SDC2: variants seen among roughly 807,000 people sequenced by gnomAD.
SDC2 encodes the protein syndecan 2.
In SDC2, 13 loss-of-function variants were observed where a neutral mutation model predicts 22.2. The ratio of observed to expected loss-of-function variants is 0.59; its 90% confidence interval spans 0.38 to 0.93. SDC2 has a LOEUF of 0.93. Ranked by LOEUF, SDC2 falls within the 40% of genes least tolerant of loss-of-function variation. The pLI is 0.00. For synonymous variants in SDC2, 94 were observed against 92.8 expected (o/e 1.01, Z -0.07); for missense variants, 235 against 246.8 (o/e 0.95, Z 0.32).
chr8:96,606,819 G>T (rs1404019154), intron 3 of SDC2, among the ~76,000 whole-genome samples: 1 of 152,266 alleles, frequency 6.6e-6, no homozygotes, highest in East Asian at 1.9e-4. Flanking sequence ...GTCAGAGAAG[G>T]CTTCATTAAG....
At chr8:96,581,507 C>T (rs1274977856) in intron 1 of SDC2, among the ~76,000 whole-genome samples, 5 of 152,248 alleles carry the variant, frequency 3.3e-5, no homozygotes, top group Admixed American at 6.5e-5. Context: ...TTGCACATGC[C>T]TGTAATCCCA....
At chr8:96,534,888 C>T (rs1023320706) in intron 1 of SDC2, among the ~76,000 whole-genome samples, 1 of 152,194 alleles carries the variant, frequency 6.6e-6, no homozygotes, top group Admixed American at 6.5e-5. Context: ...AATTCAAAGC[C>T]TCACTGTTCT....
At chr8:96,575,449 A>C (rs1301148247) in intron 1 of SDC2, among the ~76,000 whole-genome samples, 3 of 152,146 alleles carry the variant, frequency 2.0e-5, no homozygotes, top group African/African-American at 4.8e-5. Context: ...GTTTTAGTCA[A>C]CTTTTCACTG....
chr8:96,512,687 T>G (rs1813346419), intron 1 of SDC2, among the ~76,000 whole-genome samples: 1 of 152,170 alleles, frequency 6.6e-6, no homozygotes, highest in African/African-American at 2.4e-5. Context: ...ATTTGAAGAT[T>G]ATTAGCACGT....
At chr8:96,498,251 G>T (rs1039558747) in intron 1 of SDC2, among the ~76,000 whole-genome samples, 1 of 152,112 alleles carries the variant, frequency 6.6e-6, no homozygotes, top group African/African-American at 2.4e-5. Flanking sequence ...TGCCTTCTTG[G>T]AGCTTGCATT....
intron 1 of SDC2, among the ~76,000 whole-genome samples, chr8:96,535,073 G>A (rs1813731635): frequency 6.6e-6 from 1 of 151,004 alleles, no homozygotes; most frequent in East Asian, 1.9e-4. Context: ...GTGCGATCTT[G>A]GCTCACTGCA....
intron 1 of SDC2, among the ~76,000 whole-genome samples, chr8:96,517,643 A>G (rs991391915): frequency 6.6e-6 from 1 of 152,100 alleles, no homozygotes; most frequent in Admixed American, 6.5e-5. Context: ...TTGACCATAA[A>G]TGTAGGGGTT....
At chr8:96,574,606 A>C (rs552119363) in intron 1 of SDC2, among the ~76,000 whole-genome samples, 2 of 152,280 alleles carry the variant, frequency 1.3e-5, no homozygotes, top group East Asian at 1.9e-4. Flanking sequence ...CAGGCCTGCT[A>C]TCTGTGTGGT....
intron 1 of SDC2, among the ~76,000 whole-genome samples, chr8:96,503,311 G>A (rs1299878571): frequency 6.6e-6 from 1 of 152,114 alleles, no homozygotes; most frequent in Non-Finnish European, 1.5e-5. Context: ...TACAATAATA[G>A]AGTAATTGTT....
chr8:96,584,345 CT>C (rs374515266), intron 1 of SDC2, among the ~76,000 whole-genome samples: 11 of 152,174 alleles, frequency 7.2e-5, no homozygotes, highest in African/African-American at 2.7e-4. Context: ...TCTGTCAGCC[CT>C]TGTATAGGGA....
intron 1 of SDC2, among the ~76,000 whole-genome samples, chr8:96,567,793 A>G (rs549053194): frequency 6.6e-6 from 1 of 152,326 alleles, no homozygotes; most frequent in African/African-American, 2.4e-5. Context: ...TTATTCACCC[A>G]TAGTCTGAGA....
At chr8:96,500,799 A>T (rs1481907019) in intron 1 of SDC2, among the ~76,000 whole-genome samples, 1 of 152,012 alleles carries the variant, frequency 6.6e-6, no homozygotes, top group Admixed American at 6.6e-5. Flanking sequence ...AGCAACAAGG[A>T]TGGAGGGGTG....
chr8:96,501,627 G>A (rs1813167112), intron 1 of SDC2, among the ~76,000 whole-genome samples: 1 of 151,992 alleles, frequency 6.6e-6, no homozygotes, highest in African/African-American at 2.4e-5. Flanking sequence ...ATGTATTTAT[G>A]TGTAATTTGT....
chr8:96,542,613 G>A (rs912430350), intron 1 of SDC2, among the ~76,000 whole-genome samples: 7 of 152,006 alleles, frequency 4.6e-5, no homozygotes, highest in African/African-American at 1.5e-4. Flanking sequence ...TTAGCATCCC[G>A]GAGAATGAAA....
At chr8:96,532,289 A>G (rs1307481611) in intron 1 of SDC2, among the ~76,000 whole-genome samples, 2 of 151,768 alleles carry the variant, frequency 1.3e-5, no homozygotes, top group Admixed American at 1.3e-4. Flanking sequence ...TATAAACAAG[A>G]CCCACCCTGC....
intron 1 of SDC2, among the ~76,000 whole-genome samples, chr8:96,586,700 T>C (rs148651985): frequency 6.8e-4 from 104 of 152,368 alleles, no homozygotes; most frequent in Non-Finnish European, 1.0e-3. Context: ...GTCATCCTTG[T>C]GCCTCCCACT....
intron 1 of SDC2, among the ~76,000 whole-genome samples, chr8:96,511,446 C>T (rs530895503): frequency 2.6e-5 from 4 of 152,280 alleles, no homozygotes; most frequent in Non-Finnish European, 4.4e-5. Context: ...CCCAGTGACT[C>T]ATAAGCACAT....
At chr8:96,512,890 A>G (rs1813348878) in intron 1 of SDC2, among the ~76,000 whole-genome samples, 1 of 152,236 alleles carries the variant, frequency 6.6e-6, no homozygotes. Flanking sequence ...AAGATTATGT[A>G]AATAGAAGCC....
chr8:96,533,562 A>G (rs751645239), intron 1 of SDC2, among the ~76,000 whole-genome samples: 11 of 151,554 alleles, frequency 7.3e-5, no homozygotes, highest in Admixed American at 1.3e-4. Context: ...CCACCAGATT[A>G]GCTAGACACA....
Sources: allele counts gnomAD v4.1 joint callset (sites outside exome capture counted in the v4.1 genomes callset), GRCh38; gene constraint gnomAD v4.1.1; transcripts MANE v1.5; gene names NCBI Gene and HGNC (gene_info 2026-07-23, HGNC 2026-07-21).